The following MAML3 variants were observed in gnomAD, a reference collection of about 807,000 sequenced individuals.
MAML3 encodes mastermind-like protein 3.
A neutral mutation model predicts 101.9 loss-of-function variants in MAML3; 27 were observed. The observed-to-expected ratio is 0.27, with a 90% confidence interval of 0.20 to 0.37. MAML3 has a LOEUF of 0.37. MAML3 is among the 10% of genes least tolerant of loss of function. The pLI is 1.00. For synonymous variants in MAML3, 501 were observed against 555.9 expected, an observed-to-expected ratio of 0.90 and a Z score of 1.39; for missense variants, 1,316 against 1,444.9, an observed-to-expected ratio of 0.91 and a Z score of 1.45.
At chr4:139,781,109 G>A (rs1380812630) in intron 2 of MAML3, among the ~76,000 whole-genome samples, 1 of 152,142 alleles carries the variant, frequency 6.6e-6, no homozygotes, top group East Asian at 1.9e-4. Context: ...CTCTCTGGAT[G>A]TTGCTTGAAT....
intron 1 of MAML3, among the ~76,000 whole-genome samples, chr4:139,999,114 T>A (rs747486932): frequency 1.9e-4 from 29 of 152,100 alleles, no homozygotes; most frequent in Non-Finnish European, 1.3e-4. Flanking sequence ...AGTGTGTAGA[T>A]TGCTTGGGCT....
At chr4:140,149,931 G>GTT (rs1195502940) in intron 1 of MAML3, among the ~76,000 whole-genome samples, 10 of 85,164 alleles carry the variant, frequency 1.2e-4, no homozygotes, top group Non-Finnish European at 2.1e-4. Context: ...TGTAGAGCAT[G>GTT]TTTCTTTCTT....
chr4:139,911,020 C>T (rs1732909182), intron 1 of MAML3, among the ~76,000 whole-genome samples: 1 of 152,158 alleles, frequency 6.6e-6, no homozygotes, highest in Admixed American at 6.5e-5. Context: ...AATACTGAAA[C>T]TCTGTGTTCA....
chr4:139,931,063 C>T (rs547293534), intron 1 of MAML3, among the ~76,000 whole-genome samples: 3 of 152,154 alleles, frequency 2.0e-5, no homozygotes, highest in South Asian at 4.2e-4. Flanking sequence ...GGTTATGGCT[C>T]GTGTCCCAAG....
rs548938227 is a variant in MAML3 at position 139,803,061 on chromosome 4, A to T, written c.2080-72394T>A. 3.3e-5 allele frequency among the ~76,000 whole-genome samples: 5 copies of T among 152,332 alleles called. No homozygotes were observed. In the East Asian group the frequency reaches 9.6e-4, roughly 29 times the overall value. Reference sequence around the variant, plus strand: ...TATCCAGATTTGTGGCTCTTCCAACATGCTTAATAACAGGAAGTGGTGAAC... The same window carrying T: ...TATCCAGATTTGTGGCTCTTCCAACTTGCTTAATAACAGGAAGTGGTGAAC... On this transcript the variant is annotated intron_variant, in intron 2 of 4. Coordinates refer to ENST00000509479, the MANE Select transcript of MAML3 (RefSeq NM_018717.5).
intron 2 of MAML3, among the ~76,000 whole-genome samples, chr4:139,822,834 A>G (rs1730998126): frequency 6.6e-6 from 1 of 152,204 alleles, no homozygotes; most frequent in South Asian, 2.1e-4. Context: ...TTTCCACCAA[A>G]TTGATGACAT....
At chr4:139,789,106 T>C (rs968967642) in intron 2 of MAML3, among the ~76,000 whole-genome samples, 27 of 152,200 alleles carry the variant, frequency 1.8e-4, no homozygotes, top group Non-Finnish European at 3.8e-4. Flanking sequence ...TACAATCTTT[T>C]CAAATACAGG....
intron 1 of MAML3, among the ~76,000 whole-genome samples, chr4:139,978,711 G>A (rs753209458): frequency 1.3e-5 from 2 of 151,562 alleles, no homozygotes; most frequent in Non-Finnish European, 2.9e-5. Flanking sequence ...GGTTATCAAA[G>A]AGACTTGGGT....
At chr4:139,801,467 G>A (rs1730602016) in intron 2 of MAML3, among the ~76,000 whole-genome samples, 1 of 152,208 alleles carries the variant, frequency 6.6e-6, no homozygotes, top group Non-Finnish European at 1.5e-5. Context: ...GCAGGCAGGA[G>A]GGGAGGGGAA....
intron 2 of MAML3, among the ~76,000 whole-genome samples, chr4:139,768,454 T>C (rs767587212): frequency 1.3e-5 from 2 of 152,226 alleles, no homozygotes; most frequent in African/African-American, 2.4e-5. Context: ...AACAAGTTGC[T>C]TTATAATTCC....
At chr4:139,996,827 G>T (rs560481337) in intron 1 of MAML3, among the ~76,000 whole-genome samples, 1 of 151,864 alleles carries the variant, frequency 6.6e-6, no homozygotes, top group Non-Finnish European at 1.5e-5. Context: ...TTGGGAGGCC[G>T]AGGAGGGCGG....
intron 2 of MAML3, among the ~76,000 whole-genome samples, chr4:139,885,698 C>T (rs944281104): frequency 1.6e-4 from 24 of 147,588 alleles, no homozygotes; most frequent in Admixed American, 2.7e-4. Context: ...CTGAGGCGGG[C>T]GGATCACGAG....
At chr4:139,895,260 CATATCA>C (rs1317604561) in intron 1 of MAML3, among the ~76,000 whole-genome samples, 2 of 152,194 alleles carry the variant, frequency 1.3e-5, no homozygotes, top group African/African-American at 4.8e-5. Context: ...GGAGCTAATA[CATATCA>C]ATATTGTCTG....
intron 1 of MAML3, among the ~76,000 whole-genome samples, chr4:140,047,060 T>A (rs1160849940): frequency 1.3e-5 from 2 of 152,004 alleles, no homozygotes; most frequent in Non-Finnish European, 2.9e-5. Flanking sequence ...TCTGAGAGAC[T>A]GGGAGAAGGG....
At chr4:140,090,994 A>T (rs12645451) in intron 1 of MAML3, among the ~76,000 whole-genome samples, 1 of 152,084 alleles carries the variant, frequency 6.6e-6, no homozygotes, top group African/African-American at 2.4e-5. Flanking sequence ...AGGTTGCAGT[A>T]AGCCAAGGTT....
intron 1 of MAML3, among the ~76,000 whole-genome samples, chr4:139,953,718 G>A (rs138211043): frequency 1.3e-5 from 2 of 152,196 alleles, no homozygotes; most frequent in South Asian, 2.1e-4. Flanking sequence ...GGCCTTTTTC[G>A]AAACCAGTGG....
intron 2 of MAML3, among the ~76,000 whole-genome samples, chr4:139,862,136 G>A (rs1234108192): frequency 1.3e-5 from 2 of 152,174 alleles, no homozygotes; most frequent in Admixed American, 6.5e-5. Context: ...TTGAACCTGG[G>A]AGACGGAGGT....
At chr4:140,002,777 G>A (rs1255673590) in intron 1 of MAML3, among the ~76,000 whole-genome samples, 1 of 152,146 alleles carries the variant, frequency 6.6e-6, no homozygotes, top group Non-Finnish European at 1.5e-5. Flanking sequence ...CGCTTGATTT[G>A]TTTACTAGGT....
At chr4:139,878,332 A>G (rs1732151468) in intron 2 of MAML3, among the ~76,000 whole-genome samples, 1 of 152,058 alleles carries the variant, frequency 6.6e-6, no homozygotes, top group Admixed American at 6.6e-5. Flanking sequence ...TCCTGAATGT[A>G]AAATTTAGTA....
Sources: gnomAD v4.1 joint callset for allele counts (sites outside exome capture counted in the v4.1 genomes callset) on GRCh38, gnomAD v4.1.1 for gene constraint, MANE v1.5 for transcripts, NCBI Gene and HGNC (gene_info 2026-07-23, HGNC 2026-07-21) for gene names.